Variants in TRMT11 observed in about 807,000 individuals in gnomAD.
TRMT11 encodes the protein tRNA (guanine(10)-N(2))-methyltransferase TRMT11.
In TRMT11, 53 loss-of-function variants were observed where a neutral mutation model predicts 62.8. The ratio of observed to expected loss-of-function variants is 0.84; its 90% CI spans 0.68 to 1.06. TRMT11 has a LOEUF of 1.06. Ranked by LOEUF, TRMT11 falls within the 50% of genes least tolerant of loss-of-function variation. The pLI is 0.00. For synonymous variants in TRMT11, 188 were observed against 190.3 expected (o/e 0.99, Z 0.10); for missense variants, 556 against 553.4 (o/e 1.00, Z -0.05).
At chr6:126,168,197 C>T (rs1289205557) in intron 21 of TRMT11, among the ~76,000 whole-genome samples, 1 of 152,174 alleles carries the variant, frequency 6.6e-6, no homozygotes, top group Non-Finnish European at 1.5e-5. Flanking sequence ...TTCTCTTACA[C>T]CGGCAACCTC....
At chr6:126,239,045 T>G in the TRMT11 span, among the ~76,000 whole-genome samples, 8 of 152,200 alleles carry the variant, frequency 5.3e-5, no homozygotes, top group Non-Finnish European at 1.5e-5. Context: ...CTTCCTTTTT[T>G]TTGTTTTCCA....
the TRMT11 span, among the ~76,000 whole-genome samples, chr6:126,237,612 T>C: frequency 6.6e-6 from 1 of 151,982 alleles, no homozygotes; most frequent in African/African-American, 2.4e-5. Flanking sequence ...GCCTGGCAGG[T>C]TGAGGCTGTA....
At chr6:126,160,868 A>G (rs1264185974) in intron 21 of TRMT11, among the ~76,000 whole-genome samples, 1 of 152,200 alleles carries the variant, frequency 6.6e-6, no homozygotes, top group Non-Finnish European at 1.5e-5. Flanking sequence ...TGATTGGTTG[A>G]CAGGAGCCTG....
intron 17 of TRMT11, among the ~76,000 whole-genome samples, chr6:126,069,336 CCAG>C (rs1041663228): frequency 6.1e-4 from 93 of 152,344 alleles, no homozygotes; most frequent in African/African-American, 2.2e-3. Flanking sequence ...GTGAACACCA[CCAG>C]AACAAATGTC....
intron 17 of TRMT11, among the ~76,000 whole-genome samples, chr6:126,068,150 T>G (rs1337573295): frequency 6.6e-6 from 1 of 152,122 alleles, no homozygotes; most frequent in Non-Finnish European, 1.5e-5. Flanking sequence ...TTCTATTGGA[T>G]TGTCCATCAT....
At chr6:125,993,896 A>G (rs911249897) in intron 2 of TRMT11, 74 bp downstream of exon 2, 3 of 814,130 alleles carry the variant, frequency 3.7e-6, no homozygotes, top group Non-Finnish European at 5.9e-6. Context: ...GAAGAAGTGC[A>G]TATCTTAAAT....
At chr6:126,081,584 G>A (rs1341646056) in intron 17 of TRMT11, among the ~76,000 whole-genome samples, 1 of 152,150 alleles carries the variant, frequency 6.6e-6, no homozygotes, top group Non-Finnish European at 1.5e-5. Context: ...GGAGTAAGGG[G>A]ATAAGTTTCT....
intron 21 of TRMT11, among the ~76,000 whole-genome samples, chr6:126,122,145 AT>A (rs1777657269): frequency 6.6e-6 from 1 of 151,966 alleles, no homozygotes; most frequent in Admixed American, 6.6e-5. Context: ...TTTGCTCCCC[AT>A]TCATCTTCTG....
intron 17 of TRMT11, among the ~76,000 whole-genome samples, chr6:126,081,632 T>C (rs1180992298): frequency 6.6e-6 from 1 of 152,160 alleles, no homozygotes; most frequent in Non-Finnish European, 1.5e-5. Context: ...AGAGGTAAAA[T>C]GCTTTGTAAG....
chr6:125,995,712 A>G (rs1008687942), intron 2 of TRMT11, among the ~76,000 whole-genome samples: 3 of 152,240 alleles, frequency 2.0e-5, no homozygotes, highest in Non-Finnish European at 4.4e-5. Context: ...GTAAAGCTAC[A>G]TAAAAGGGCA....
chr6:126,122,182 A>G (rs566923908), intron 21 of TRMT11, among the ~76,000 whole-genome samples: 5 of 152,198 alleles, frequency 3.3e-5, no homozygotes, highest in African/African-American at 7.2e-5. Context: ...CTCCCTAGCC[A>G]TGTGGAACTG....
the TRMT11 span, among the ~76,000 whole-genome samples, chr6:126,270,575 T>C: frequency 2.6e-5 from 4 of 152,340 alleles, no homozygotes; most frequent in South Asian, 2.1e-4. Context: ...GTTACACTTA[T>C]TGCATTTGAT....
At chr6:126,169,714 C>T (rs989950272) in intron 21 of TRMT11, among the ~76,000 whole-genome samples, 1 of 152,168 alleles carries the variant, frequency 6.6e-6, no homozygotes, top group Non-Finnish European at 1.5e-5. Flanking sequence ...TTTTCAACTC[C>T]TTCTGCCTAG....
intron 17 of TRMT11, among the ~76,000 whole-genome samples, chr6:126,079,337 C>T (rs1195669926): frequency 6.6e-6 from 1 of 152,066 alleles, no homozygotes; most frequent in Non-Finnish European, 1.5e-5. Flanking sequence ...AGTGAGCTGG[C>T]ATGAGCACAC....
downstream of TRMT11, among the ~76,000 whole-genome samples, chr6:126,043,739 T>C (rs1338460903): frequency 9.2e-4 from 139 of 150,494 alleles, no homozygotes; most frequent in African/African-American, 2.7e-3. Flanking sequence ...TTTTAATGAT[T>C]GCCATTCTAA....
At chr6:126,008,571 A>G (rs1415249335) in intron 8 of TRMT11, 99 bp downstream of exon 8, 2 of 993,658 alleles carry the variant, frequency 2.0e-6, no homozygotes, top group Non-Finnish European at 3.2e-6. Context: ...TTTGAATTGC[A>G]CAGGTCCACT....
At chr6:126,013,990 C>T (rs1452967748) in intron 11 of TRMT11, among the ~76,000 whole-genome samples, 1 of 152,124 alleles carries the variant, frequency 6.6e-6, no homozygotes, top group Non-Finnish European at 1.5e-5. Flanking sequence ...TACAATAAAT[C>T]AAAAGCTAAG....
At chr6:126,136,620 A>T (rs1171595804) in intron 21 of TRMT11, among the ~76,000 whole-genome samples, 1 of 151,880 alleles carries the variant, frequency 6.6e-6, no homozygotes, top group African/African-American at 2.4e-5. Flanking sequence ...TCTTCACAGA[A>T]ATAGAAAAAC....
intron 11 of TRMT11, among the ~76,000 whole-genome samples, chr6:126,017,582 A>G (rs1309150059): frequency 1.3e-5 from 2 of 152,020 alleles, no homozygotes; most frequent in African/African-American, 2.4e-5. Context: ...TTCTGTCCCC[A>G]TTGTTTGAGA....
Sources: allele counts gnomAD v4.1 joint callset (sites outside exome capture counted in the v4.1 genomes callset), GRCh38; gene constraint gnomAD v4.1.1; transcripts MANE v1.5; gene names NCBI Gene and HGNC (gene_info 2026-07-23, HGNC 2026-07-21).